The following ENOX2 variants were observed in gnomAD, a reference collection of about 807,000 sequenced individuals.
ENOX2 encodes APK1 antigen.
In ENOX2, 36 loss-of-function variants were observed where a neutral mutation model predicts 45.0. The observed-to-expected ratio is 0.80, with a 90% CI of 0.61 to 1.06. The LOEUF (loss-of-function observed/expected upper bound fraction) is 1.06, where lower values mean the gene tolerates loss of function less well. Among genes scored for constraint, ENOX2 ranks in the 50% least tolerant of loss-of-function variants. The pLI, the probability that ENOX2 is intolerant of heterozygous loss-of-function variation, is 0.00. For missense variants in ENOX2, 423 were observed against 462.5 expected, an observed-to-expected ratio of 0.91 and a Z score of 0.78; for synonymous variants, 174 against 152.3, an observed-to-expected ratio of 1.14 and a Z score of -1.05.
intron 3 of ENOX2, among the ~76,000 whole-genome samples, chrX:130,780,998 G>A (rs1171521682): frequency 1.8e-5 from 2 of 111,633 alleles, no homozygotes; most frequent in Admixed American, 1.9e-4. Context: ...CAAAGGAAGA[G>A]GGAAGTTGCT....
chrX:130,670,728 T>TAA (rs1238300056), intron 6 of ENOX2, among the ~76,000 whole-genome samples: 2 of 97,272 alleles, frequency 2.1e-5, no homozygotes, highest in Non-Finnish European at 2.1e-5. Context: ...ATTTTTTTTC[T>TAA]AAAAAAAAAA....
intron 7 of ENOX2, among the ~76,000 whole-genome samples, chrX:130,668,846 C>T (rs2036906270): frequency 8.9e-6 from 1 of 112,299 alleles, no homozygotes; most frequent in East Asian, 2.8e-4. Context: ...GAAGGTCACA[C>T]ACCCATTAAA....
intron 5 of ENOX2, among the ~76,000 whole-genome samples, chrX:130,685,272 A>T (rs1443421285): frequency 1.8e-5 from 2 of 111,192 alleles, no homozygotes; most frequent in Non-Finnish European, 3.8e-5. Context: ...CAAAGAGACA[A>T]TGGAGGGGAG....
intron 9 of ENOX2, among the ~76,000 whole-genome samples, chrX:130,661,785 A>G (rs2036697151): frequency 8.9e-6 from 1 of 112,421 alleles, no homozygotes; most frequent in Admixed American, 9.4e-5. Context: ...GATTATTTGA[A>G]TATCTATCTG....
intron 3 of ENOX2, chrX:130,709,268 C>T: frequency 1.7e-6 from 2 of 1,208,476 alleles, no homozygotes; most frequent in Non-Finnish European, 2.2e-6. Context: ...CGTAGACCCA[C>T]AGCCATCTAA....
chrX:130,867,220 C>T (rs961719118), intron 2 of ENOX2, among the ~76,000 whole-genome samples: 6 of 111,598 alleles, frequency 5.4e-5, no homozygotes, highest in East Asian at 5.6e-4. Context: ...GCATTCAATT[C>T]TTTGTGATAT....
At chrX:130,653,389 C>A (rs185875701) in intron 10 of ENOX2, among the ~76,000 whole-genome samples, 25 of 112,111 alleles carry the variant, frequency 2.2e-4, no homozygotes, top group Middle Eastern at 4.6e-3. Context: ...GCTTACTATG[C>A]GAAATCTAAG....
At chrX:130,802,952 A>G (rs1371106773) in intron 2 of ENOX2, among the ~76,000 whole-genome samples, 1 of 111,920 alleles carries the variant, frequency 8.9e-6, no homozygotes, top group Non-Finnish European at 1.9e-5. Context: ...AATTCCTTGT[A>G]GTTATGCAAG....
At chrX:130,866,265 T>C (rs2148544730) in intron 2 of ENOX2, among the ~76,000 whole-genome samples, 2 of 111,702 alleles carry the variant, frequency 1.8e-5, no homozygotes, top group South Asian at 3.8e-4. Flanking sequence ...CCACTTCATA[T>C]ACAGATAACA....
At chrX:130,898,508 G>A (rs939065148) in intron 2 of ENOX2, among the ~76,000 whole-genome samples, 1 of 109,483 alleles carries the variant, frequency 9.1e-6, no homozygotes, top group African/African-American at 3.3e-5. Flanking sequence ...GTGTGTGCGT[G>A]TGTGTGTGTG....
intron 10 of ENOX2, among the ~76,000 whole-genome samples, chrX:130,651,432 A>G (rs1229175021): frequency 8.9e-6 from 1 of 112,252 alleles, no homozygotes; most frequent in Non-Finnish European, 1.9e-5. Context: ...CTAGTTCATT[A>G]GCTGCTTTCT....
At chrX:130,818,406 T>C (rs1603358858) in intron 2 of ENOX2, among the ~76,000 whole-genome samples, 1 of 111,629 alleles carries the variant, frequency 9.0e-6, no homozygotes, top group South Asian at 3.7e-4. Flanking sequence ...CTACTTAAAA[T>C]TTCATATGGA....
intron 4 of ENOX2, among the ~76,000 whole-genome samples, chrX:130,698,479 T>C (rs1417742273): frequency 9.0e-6 from 1 of 110,723 alleles, no homozygotes; most frequent in Non-Finnish European, 1.9e-5. Flanking sequence ...CATCAGTAGG[T>C]AGAATTCAGG....
intron 2 of ENOX2, among the ~76,000 whole-genome samples, chrX:130,834,488 T>G (rs2077894064): frequency 9.0e-6 from 1 of 111,509 alleles, no homozygotes; most frequent in South Asian, 3.9e-4. Context: ...TCAACCATGT[T>G]GAGAAAGGAG....
chrX:130,648,890 C>CA (rs1254096189), intron 10 of ENOX2, among the ~76,000 whole-genome samples: 4 of 106,293 alleles, frequency 3.8e-5, no homozygotes, highest in Non-Finnish European at 7.8e-5. Flanking sequence ...ACTAAAAATA[C>CA]AAAAATTAGC....
intron 3 of ENOX2, among the ~76,000 whole-genome samples, chrX:130,762,143 C>T (rs919554186): frequency 8.9e-6 from 1 of 111,990 alleles, no homozygotes; most frequent in Admixed American, 9.4e-5. Flanking sequence ...AAGGTGGGAA[C>T]TTAGATTAAT....
At chrX:130,690,660 G>A (rs1005690224) in intron 4 of ENOX2, among the ~76,000 whole-genome samples, 4 of 111,623 alleles carry the variant, frequency 3.6e-5, no homozygotes, top group African/African-American at 1.3e-4. Context: ...CTGTACACAT[G>A]TCCTTAAAGT....
At chrX:130,708,098 G>T (rs375901903) in intron 3 of ENOX2, among the ~76,000 whole-genome samples, 2 of 112,014 alleles carry the variant, frequency 1.8e-5, no homozygotes, top group African/African-American at 6.5e-5. Flanking sequence ...ACTGTAATAA[G>T]TGTTATGAGC....
chrX:130,697,556 G>A (rs1373717648), intron 4 of ENOX2, among the ~76,000 whole-genome samples: 1 of 111,836 alleles, frequency 8.9e-6, no homozygotes. Flanking sequence ...GCTCATATTC[G>A]AGAACATGTT....
Sources: gnomAD v4.1 joint callset for allele counts (sites outside exome capture counted in the v4.1 genomes callset) on GRCh38, gnomAD v4.1.1 for gene constraint, MANE v1.5 for transcripts, NCBI Gene and HGNC (gene_info 2026-07-23, HGNC 2026-07-21) for gene names.